The following OSBPL10 variants were observed in gnomAD, a reference collection of about 807,000 sequenced individuals.
OSBPL10 encodes oxysterol-binding protein-related protein 10.
In OSBPL10, 49 loss-of-function variants were observed where a neutral mutation model predicts 81.7. The observed-to-expected ratio is 0.60, with a 90% confidence interval of 0.48 to 0.76. The LOEUF is 0.76. Ranked by LOEUF, OSBPL10 falls within the 30% of genes least tolerant of loss-of-function variation. OSBPL10 has a pLI of 0.00. For missense variants in OSBPL10, 923 were observed against 987.8 expected (o/e 0.93, Z 0.88); for synonymous variants, 419 against 383.6 (o/e 1.09, Z -1.08).
chr3:32,069,569 A>T (rs1432676072), intron 1 of OSBPL10, among the ~76,000 whole-genome samples: 2 of 152,234 alleles, frequency 1.3e-5, no homozygotes, highest in East Asian at 3.8e-4. Flanking sequence ...CTAGACCCAG[A>T]GGGTCCAGAA....
intron 1 of OSBPL10, among the ~76,000 whole-genome samples, chr3:31,915,408 A>T (rs1411323591): frequency 6.6e-6 from 1 of 152,180 alleles, no homozygotes; most frequent in Admixed American, 6.5e-5. Flanking sequence ...TGGTACACAT[A>T]TATCATGGAA....
At chr3:31,860,195 G>C (rs1332568633) in intron 3 of OSBPL10, among the ~76,000 whole-genome samples, 1 of 152,120 alleles carries the variant, frequency 6.6e-6, no homozygotes, top group Non-Finnish European at 1.5e-5. Flanking sequence ...TTTTGAAGAA[G>C]CCTGCACCTC....
chr3:31,980,979 C>A lies in OSBPL10; in HGVS notation c.201G>T (p.Gly67=). The A allele has an allele frequency of 6.4e-7, 1 of 1,558,328 alleles. No homozygotes were observed. Among genetic ancestry groups the A allele is most frequent in the Non-Finnish European group, 8.6e-7 (1 of 1,157,436 alleles). The change falls in exon 1 of 12, where the codon GGG becomes GGT. Residue 67 remains glycine (G), a synonymous_variant. Transcript: ENST00000396556. ...SPGSVAASPS[G]GGGRRREPAL... is the part of the protein sequence containing the mutation. ...CCGGCTCCCTCCTGCGGCCGCCTCC[C>A]CCGGACGGGCTAGCGGCCACAGAGC...
chr3:31,758,719 A>G (rs768877609), intron 4 of OSBPL10, among the ~76,000 whole-genome samples: 11 of 152,294 alleles, frequency 7.2e-5, no homozygotes, highest in East Asian at 1.9e-4. Flanking sequence ...TTAATGCTGC[A>G]TTTTTTTGAA....
chr3:32,023,714 C>T (rs538841766), intron 2 of OSBPL10, among the ~76,000 whole-genome samples: 2 of 152,236 alleles, frequency 1.3e-5, no homozygotes, highest in South Asian at 4.2e-4. Flanking sequence ...TGCTTCATTG[C>T]CTTACAATAG....
At chr3:31,811,756 C>T (rs1699686926) in intron 4 of OSBPL10, among the ~76,000 whole-genome samples, 1 of 152,088 alleles carries the variant, frequency 6.6e-6, no homozygotes, top group Admixed American at 6.5e-5. Context: ...TGTGCCCATT[C>T]ACGTATAGGA....
intron 2 of OSBPL10, among the ~76,000 whole-genome samples, chr3:32,019,235 G>A (rs914500040): frequency 9.2e-5 from 14 of 152,042 alleles, no homozygotes; most frequent in Non-Finnish European, 1.3e-4. Context: ...AACAAAGTCC[G>A]AAGTTGTTCT....
intron 2 of OSBPL10, among the ~76,000 whole-genome samples, chr3:32,016,531 C>T (rs1699314159): frequency 6.6e-6 from 1 of 152,098 alleles, no homozygotes; most frequent in Admixed American, 6.5e-5. Flanking sequence ...ACCAACATGG[C>T]ACGTGTATAC....
At chr3:31,793,450 T>C (rs1293059401) in intron 4 of OSBPL10, among the ~76,000 whole-genome samples, 4 of 152,236 alleles carry the variant, frequency 2.6e-5, no homozygotes, top group Admixed American at 2.6e-4. Flanking sequence ...TAGCAGTAAG[T>C]GTCTGATAAT....
chr3:31,763,192 C>G (rs1256669287), intron 4 of OSBPL10, among the ~76,000 whole-genome samples: 1 of 152,208 alleles, frequency 6.6e-6, no homozygotes, highest in Non-Finnish European at 1.5e-5. Flanking sequence ...GTTTACATTT[C>G]TGTCAGTTCT....
upstream of OSBPL10, chr3:31,981,790 C>T (rs1698852930): frequency 2.0e-5 from 3 of 152,320 alleles, no homozygotes; most frequent in African/African-American, 7.2e-5. This position sits in a 1 kb window ranked among gnomAD's most constrained non-coding sequence, Gnocchi z 4.5. Flanking sequence ...GATGCTGCGC[C>T]AGACGCTCCT....
At chr3:31,797,656 C>A in intron 4 of OSBPL10, 1 of 349,104 alleles carries the variant, frequency 2.9e-6, no homozygotes. Context: ...GCTATTTTTC[C>A]ACATAAAAGA....
At chr3:31,838,763 T>C (rs1480764534) in intron 3 of OSBPL10, among the ~76,000 whole-genome samples, 1 of 152,162 alleles carries the variant, frequency 6.6e-6, no homozygotes, top group Non-Finnish European at 1.5e-5. Flanking sequence ...CAATATAGCA[T>C]ACTAATTCTC....
intron 1 of OSBPL10, among the ~76,000 whole-genome samples, chr3:31,881,506 CAA>C (rs1266858406): frequency 2.6e-5 from 4 of 151,824 alleles, no homozygotes; most frequent in African/African-American, 7.3e-5. Context: ...CATATTTTTG[CAA>C]AGAGTTTCAG....
chr3:31,957,117 AGAGT>A lies in OSBPL10; in HGVS notation c.281+23778_281+23781del, dbSNP rs202058999. Among the ~76,000 whole-genome samples, 207 of 152,318 alleles carry A rather than the reference AGAGT, an allele frequency of 1.4e-3. 2 individuals are homozygous for A. The East Asian group carries it at 0.031, about 23-fold the overall frequency. ...GCCACTGCACTCCAGCCTGGGCGAC[AGAGT>A]GAGGCCCTGTCTCAAAAAATAAAAA... is the stretch of plus-strand genomic sequence containing the variant. On this transcript the variant is annotated intron_variant, in intron 1 of 11. Coordinates refer to ENST00000396556, the MANE Select transcript of OSBPL10 (RefSeq NM_017784.5).
At chr3:31,954,531 TTG>T (rs1429716682) in intron 1 of OSBPL10, among the ~76,000 whole-genome samples, 1 of 152,126 alleles carries the variant, frequency 6.6e-6, no homozygotes, top group Non-Finnish European at 1.5e-5. Context: ...TAAGTATATA[TTG>T]TGTGATTCCA....
At chr3:31,954,873 G>T (rs1182475139) in intron 1 of OSBPL10, among the ~76,000 whole-genome samples, 1 of 152,156 alleles carries the variant, frequency 6.6e-6, no homozygotes, top group Non-Finnish European at 1.5e-5. Context: ...AATGTATAAA[G>T]AAATAAAATG....
chr3:31,794,828 A>G, intron 4 of OSBPL10: 1 of 355,860 alleles, frequency 2.8e-6, no homozygotes. Flanking sequence ...CAGAAACTGA[A>G]CAGGAGTGGG....
chr3:32,016,474 G>C (rs776624474), intron 2 of OSBPL10, among the ~76,000 whole-genome samples: 1 of 152,036 alleles, frequency 6.6e-6, no homozygotes, highest in Non-Finnish European at 1.5e-5. Context: ...GAGGGATAGC[G>C]TTAGGAGATA....
Sources: gnomAD v4.1 joint callset for allele counts (sites outside exome capture counted in the v4.1 genomes callset) on GRCh38, gnomAD v4.1.1 for gene constraint, Gnocchi (gnomAD v3.1) non-coding constraint, MANE v1.5 for transcripts, NCBI Gene and HGNC (gene_info 2026-07-23, HGNC 2026-07-21) for gene names.